Variants in ECT2 observed in about 807,000 individuals in gnomAD.
ECT2 encodes the protein epithelial cell transforming 2.
A neutral mutation model predicts 116.9 loss-of-function variants in ECT2; 61 were observed. The observed-to-expected ratio is 0.52, with a 90% CI of 0.42 to 0.65. The LOEUF (loss-of-function observed/expected upper bound fraction) is 0.65. Ranked by LOEUF, ECT2 falls within the 30% of genes least tolerant of loss-of-function variation. The pLI is 0.00. For synonymous variants in ECT2, 358 were observed against 346.4 expected (o/e 1.03, Z -0.37); for missense variants, 937 against 1,078.7 (o/e 0.87, Z 1.84).
Position 172,805,838 on chromosome 3 carries a change from T to A in ECT2, c.2214T>A (p.Ile738=). 1 of 1,613,740 alleles carries A rather than the reference T, an allele frequency of 6.2e-7. No individual in the cohort carries two copies. The highest frequency in any genetic ancestry group is 8.5e-7 in the Non-Finnish European group (1 of 1,179,766). ...TTCACCTAATGCCTCTTTCTCAGAT[T>A]AAGAAGGTATTGGACATAAGAGAGA... is the stretch of plus-strand genomic sequence containing the variant. The part of the protein sequence containing the change: ...KHIHLMPLSQ[I]KKVLDIRETE... Residue 738 remains isoleucine, a synonymous_variant, in exon 21 of 25, where the codon ATT becomes ATA. Coordinates refer to ENST00000392692, the MANE Select transcript of ECT2 (RefSeq NM_001258315.2).
chr3:172,806,081 A>T (rs1293285760), intron 21 of ECT2: 1 of 459,154 alleles, frequency 2.2e-6, no homozygotes, highest in Non-Finnish European at 3.8e-6. Context: ...TACTATCTCA[A>T]CCTATAGGAT....
At chr3:172,817,850 G>C (rs1013126048) in intron 24 of ECT2, among the ~76,000 whole-genome samples, 1 of 151,972 alleles carries the variant, frequency 6.6e-6, no homozygotes, top group Non-Finnish European at 1.5e-5. Flanking sequence ...ATACTGAGGG[G>C]CAATTTGGGT....
rs1351284350 is a variant in ECT2 at position 172,807,691 on chromosome 3, C to G, written c.2246-79C>G. On this transcript the variant is annotated intron_variant, in intron 21 of 24. Coordinates refer to ENST00000392692, the MANE Select transcript of ECT2 (RefSeq NM_001258315.2). ...TTCATTTCATTGGAATTTCATTGCTCTGAGGGAACTAAACTTGCATACATC... is the reference window on the plus strand; with the variant it reads ...TTCATTTCATTGGAATTTCATTGCTGTGAGGGAACTAAACTTGCATACATC... 2.7e-6 allele frequency: 4 copies of G among 1,467,946 alleles called. No homozygotes were observed. In the African/African-American group the frequency reaches 5.6e-5, roughly 21 times the overall value. The allele number at this position is 1,467,946 out of a possible 1,614,324, so 90.9% of individuals were successfully genotyped here. A position where few individuals can be genotyped will look rare whatever the true frequency, so the allele number is the denominator to read the frequency against.
chr3:172,756,109 A>T (rs1362751923), intron 4 of ECT2, among the ~76,000 whole-genome samples: 1 of 152,096 alleles, frequency 6.6e-6, no homozygotes, highest in African/African-American at 2.4e-5. Flanking sequence ...GCCCACCCCT[A>T]TTATCTCATT....
At chr3:172,778,483 A>G (rs1351777449) in intron 14 of ECT2, among the ~76,000 whole-genome samples, 1 of 152,078 alleles carries the variant, frequency 6.6e-6, no homozygotes, top group African/African-American at 2.4e-5. Context: ...GAGTCAGACA[A>G]TACTGAGTTT....
rs1418675090 is a variant in ECT2, at chr3:172,755,539, A to G, written c.267A>G (p.Lys89=). ...VIKIKESCPG[K]SDEKLIKSVI... is the part of the protein sequence containing the mutation. Reference sequence around the variant, plus strand: ...AGATAAAAGAAAGTTGTCCTGGAAAATCGGATGAAAAATTAATAAAAAGTG... The same window carrying G: ...AGATAAAAGAAAGTTGTCCTGGAAAGTCGGATGAAAAATTAATAAAAAGTG... Residue 89 remains lysine (K), a synonymous_variant, in exon 4 of 25, where the codon AAA becomes AAG. Coordinates refer to ENST00000392692, the MANE Select transcript of ECT2 (RefSeq NM_001258315.2). 3 of 1,494,344 alleles carry G rather than the reference A, an allele frequency of 2.0e-6. No individual in the cohort carries two copies. The highest frequency in any genetic ancestry group is 2.7e-6 in the Non-Finnish European group (3 of 1,108,280). The allele number at this position is 1,494,344 out of a possible 1,614,324, so 92.6% of individuals were successfully genotyped here.
chr3:172,754,620 C>T lies in ECT2; in HGVS notation c.90C>T (p.Ser30=), dbSNP rs2108359437. The change falls in exon 2 of 25, where the codon TCC becomes TCT. Residue 30 remains serine, a synonymous_variant. Coordinates refer to ENST00000392692, the MANE Select transcript of ECT2 (RefSeq NM_001258315.2). ...TTGATTCTAAAGTTACTGAGATTTC[C>T]AAGGAAAACTTACTTATTGGATCTA... ...SIFDSKVTEI[S]KENLLIGSTS... is the part of the protein sequence containing the mutation. The T allele has an allele frequency of 1.9e-6, 3 of 1,611,670 alleles. No individual in the cohort carries two copies. In the Admixed American group the frequency reaches 5.0e-5, roughly 27 times the overall value.
chr3:172,772,493 G>C (rs1720849828), intron 13 of ECT2, among the ~76,000 whole-genome samples: 1 of 152,172 alleles, frequency 6.6e-6, no homozygotes, highest in Admixed American at 6.6e-5. Flanking sequence ...ACTGTGCCCG[G>C]CCGAGAATTC....
intron 14 of ECT2, among the ~76,000 whole-genome samples, chr3:172,774,309 C>T (rs1487590446): frequency 2.6e-5 from 4 of 152,094 alleles, no homozygotes; most frequent in African/African-American, 4.8e-5. Flanking sequence ...GCAATTCTCC[C>T]GCTGCCTAAG....
At chr3:172,751,680 G>A (rs1422810460) in intron 1 of ECT2, among the ~76,000 whole-genome samples, 1 of 152,150 alleles carries the variant, frequency 6.6e-6, no homozygotes, top group African/African-American at 2.4e-5. Flanking sequence ...AAGGAAACTT[G>A]AATGTTTGTT....
chr3:172,827,731 A>G, the ECT2 span, among the ~76,000 whole-genome samples: 3 of 152,220 alleles, frequency 2.0e-5, no homozygotes, highest in Non-Finnish European at 4.4e-5. Context: ...TAGGTTGACT[A>G]TAGGTAACAA....
chr3:172,755,408 T>C (rs746132877), intron 3 of ECT2, 34 bp downstream of exon 3: 1 of 1,571,260 alleles, frequency 6.4e-7, no homozygotes, highest in Non-Finnish European at 8.6e-7. Flanking sequence ...TTTTTTGTAA[T>C]GCAATTTTTC....
In ECT2 at chr3:172,755,541, C is replaced by A. The variant is rs575500060; in HGVS notation, c.269C>A (p.Ser90Ter). Residue 90 changes from serine to a stop codon, truncating the protein, a stop_gained, in exon 4 of 25, where the codon TCG becomes TAG. Coordinates refer to ENST00000392692, the MANE Select transcript of ECT2 (RefSeq NM_001258315.2). LOFTEE classifies it high-confidence loss of function. ...IKIKESCPGK[S>*]DEKLIKSVIN... ...ATAAAAGAAAGTTGTCCTGGAAAAT[C>A]GGATGAAAAATTAATAAAAAGTGTT... is the stretch of plus-strand genomic sequence containing the variant. 2.7e-6 allele frequency: 4 copies of A among 1,491,462 alleles called. No homozygotes were observed. In the Admixed American group the frequency reaches 8.6e-5, roughly 32 times the overall value. 92.4% of individuals were successfully genotyped at this position (1,491,462 alleles called of 1,614,324 possible).
chr3:172,785,450 C>A (rs911080040), intron 17 of ECT2, among the ~76,000 whole-genome samples: 2 of 150,674 alleles, frequency 1.3e-5, no homozygotes, highest in Admixed American at 6.6e-5. Flanking sequence ...TTTGGAAGAC[C>A]GAGGGTAAGC....
intron 14 of ECT2, among the ~76,000 whole-genome samples, chr3:172,781,471 T>TA (rs1168254489): frequency 6.6e-6 from 1 of 152,182 alleles, no homozygotes; most frequent in African/African-American, 2.4e-5. Flanking sequence ...AGAGAGTCTT[T>TA]AGTATAAGAG....
In ECT2 at chr3:172,761,600, A is replaced by T. The variant is rs1191983955; in HGVS notation, c.685-10A>T. 3 of 1,591,444 alleles carry T rather than the reference A, an allele frequency of 1.9e-6. No homozygotes were observed. The highest frequency in any genetic ancestry group is 1.7e-5 in the Admixed American group (1 of 59,584). The stretch of plus-strand genomic sequence containing the variant: ...AAGGAGAAAATTCACTGTAATGTTT[A>T]TATTTTTAGGTTGCTGTGAGTCTAG... On this transcript the variant is annotated splice_polypyrimidine_tract_variant and intron_variant, in intron 7 of 24. Coordinates refer to ENST00000392692, the MANE Select transcript of ECT2 (RefSeq NM_001258315.2).
At chr3:172,828,131 A>C in the ECT2 span, among the ~76,000 whole-genome samples, 2 of 152,232 alleles carry the variant, frequency 1.3e-5, no homozygotes, top group African/African-American at 4.8e-5. Flanking sequence ...TTACAATAGC[A>C]TTAAAACCAT....
intron 1 of ECT2, 105 bp from the exon 2 acceptor site, chr3:172,754,404 T>C: frequency 2.6e-6 from 2 of 782,586 alleles, no homozygotes; most frequent in Non-Finnish European, 3.9e-6. Flanking sequence ...ATTAAAAAAA[T>C]GGGTAATAAT....
At chr3:172,776,358 G>A (rs114536089) in intron 14 of ECT2, among the ~76,000 whole-genome samples, 2,685 of 151,854 alleles carry the variant, frequency 0.018, 41 homozygotes, top group Non-Finnish European at 0.029. Flanking sequence ...AGTACGTGCC[G>A]TGAAACATTT....
Sources: gnomAD v4.1 joint callset for allele counts (sites outside exome capture counted in the v4.1 genomes callset) on GRCh38, gnomAD v4.1.1 for gene constraint, MANE v1.5 for transcripts, NCBI Gene and HGNC (gene_info 2026-07-23, HGNC 2026-07-21) for gene names.